FAAH2: variants seen among roughly 807,000 people sequenced by gnomAD.
FAAH2 encodes the protein fatty acid amide hydrolase 2.
FAAH2 carries 60 observed loss-of-function variants against 36.9 expected under a neutral mutation model. That is an observed-to-expected ratio of 1.63 (90% confidence interval 1.32 to 2.02). The LOEUF (loss-of-function observed/expected upper bound fraction) is 2.02, where lower values mean the gene tolerates loss of function less well. Among genes scored for constraint, FAAH2 ranks in the 30% most tolerant of loss-of-function variants. The probability of loss-of-function intolerance (pLI) is 0.00; values close to 1 mark genes in which losing one functional copy is unlikely to be tolerated. For synonymous variants in FAAH2, 214 were observed against 143.8 expected (o/e 1.49, Z -3.49); for missense variants, 689 against 397.5 (o/e 1.73, Z -6.23).
chrX:57,193,374 C>T, the FAAH2 span, among the ~76,000 whole-genome samples: 147 of 111,934 alleles, frequency 1.3e-3, no homozygotes, highest in African/African-American at 4.2e-3. Context: ...TTATCAATGA[C>T]AATGGTGCCT....
rs376776823 is a variant in FAAH2 at position 57,444,696 on chromosome X, G to A, written c.1117-2232G>A. Among the ~76,000 whole-genome samples the A allele has an allele frequency of 9.0e-5, 10 of 111,515 alleles. No homozygotes were observed. In the East Asian group the frequency reaches 2.5e-3, roughly 28 times the overall value. On this transcript the variant is annotated intron_variant, in intron 8 of 10. Transcript: ENST00000374900. Reference sequence around the variant, plus strand: ...CTCATGCTTGGAGCTGCAGACTGGAGCTGTTCCTATTCAGCCATCTTGTAA... The same window carrying A: ...CTCATGCTTGGAGCTGCAGACTGGAACTGTTCCTATTCAGCCATCTTGTAA...
rs754840718 is a variant in FAAH2, at chrX:57,448,719, G to T, written c.1423+1G>T. ...CGGCCTTTCAACTTTGCTTACACAG[G>T]TACCTAATTGTATTCCTTACATTCT... On this transcript the variant is annotated splice_donor_variant, in intron 10 of 10. Coordinates refer to ENST00000374900, the MANE Select transcript of FAAH2 (RefSeq NM_174912.4). LOFTEE classifies it high-confidence loss of function. The T allele has an allele frequency of 7.6e-6, 9 of 1,178,080 alleles. No homozygotes were observed. The East Asian group carries it at 2.4e-4, about 31-fold the overall frequency.
intron 2 of FAAH2, among the ~76,000 whole-genome samples, chrX:57,292,922 AC>A (rs1216758329): frequency 1.8e-5 from 2 of 110,897 alleles, no homozygotes; most frequent in African/African-American, 6.6e-5. Flanking sequence ...TAATAGGAGA[AC>A]CCCCCTACAC....
chrX:57,455,074 T>A (rs2056844483), intron 10 of FAAH2, among the ~76,000 whole-genome samples: 1 of 111,461 alleles, frequency 9.0e-6, no homozygotes. Flanking sequence ...ACCTACAAAG[T>A]AAACCCCACC....
intron 5 of FAAH2, among the ~76,000 whole-genome samples, chrX:57,355,933 C>A (rs1263567878): frequency 9.0e-6 from 1 of 110,799 alleles, no homozygotes; most frequent in Non-Finnish European, 1.9e-5. Context: ...CATATATAGC[C>A]TTTATTATGT....
chrX:57,483,377 T>TA (rs1021643526), intron 10 of FAAH2, among the ~76,000 whole-genome samples: 4 of 111,184 alleles, frequency 3.6e-5, no homozygotes, highest in South Asian at 3.7e-4. Context: ...TTTGATTTTT[T>TA]AAAAAAATAT....
intron 8 of FAAH2, among the ~76,000 whole-genome samples, chrX:57,435,953 C>T (rs1417987967): frequency 1.8e-5 from 2 of 110,942 alleles, no homozygotes; most frequent in Non-Finnish European, 3.8e-5. Flanking sequence ...CTTGTATAGA[C>T]CTTGTATTTT....
intron 7 of FAAH2, among the ~76,000 whole-genome samples, chrX:57,401,506 C>T (rs1319886137): frequency 9.0e-6 from 1 of 111,542 alleles, no homozygotes; most frequent in African/African-American, 3.3e-5. Context: ...GGGACAACGG[C>T]CTCATTGATA....
At chrX:57,434,118 T>A (rs2056361531) in intron 8 of FAAH2, among the ~76,000 whole-genome samples, 1 of 104,018 alleles carries the variant, frequency 9.6e-6, no homozygotes, top group Admixed American at 1.1e-4. Context: ...AGAGTCTCAC[T>A]CTGTTGCCTA....
chrX:57,460,054 T>C (rs1159799527), intron 10 of FAAH2, among the ~76,000 whole-genome samples: 1 of 111,122 alleles, frequency 9.0e-6, no homozygotes, highest in Non-Finnish European at 1.9e-5. Context: ...TCATCTAAGC[T>C]AAAGAAGTGT....
At chrX:57,242,873 G>A in the FAAH2 span, among the ~76,000 whole-genome samples, 14 of 111,982 alleles carry the variant, frequency 1.3e-4, no homozygotes, top group East Asian at 2.8e-4. Flanking sequence ...GTTTCTTTTC[G>A]TAACCTAGTG....
chrX:57,153,587 G>T, the FAAH2 span, among the ~76,000 whole-genome samples: 2 of 111,973 alleles, frequency 1.8e-5, no homozygotes, highest in Admixed American at 1.9e-4. Flanking sequence ...GCTTTTGTTT[G>T]TCTAAAAAAC....
the FAAH2 span, among the ~76,000 whole-genome samples, chrX:57,167,092 C>T: frequency 9.0e-6 from 1 of 111,435 alleles, no homozygotes. Flanking sequence ...GGATGGGTGC[C>T]CTAATGTCTG....
chrX:57,211,515 G>A, the FAAH2 span, among the ~76,000 whole-genome samples: 1 of 111,639 alleles, frequency 9.0e-6, no homozygotes, highest in Non-Finnish European at 1.9e-5. Flanking sequence ...CCATTGCCTG[G>A]GACACCTGAG....
At chrX:57,341,648 T>C (rs2053691134) in intron 5 of FAAH2, among the ~76,000 whole-genome samples, 1 of 110,170 alleles carries the variant, frequency 9.1e-6, no homozygotes, top group African/African-American at 3.3e-5. Flanking sequence ...ATCCCCAATT[T>C]ACAAATGACA....
chrX:57,234,816 G>C, the FAAH2 span, among the ~76,000 whole-genome samples: 322 of 111,931 alleles, frequency 2.9e-3, 1 homozygote, highest in Non-Finnish European at 4.6e-3. Context: ...GGAGGCTGAG[G>C]TGAGCAGATC....
the FAAH2 span, among the ~76,000 whole-genome samples, chrX:57,154,611 G>T: frequency 9.1e-6 from 1 of 110,306 alleles, no homozygotes; most frequent in African/African-American, 3.3e-5. Context: ...TAAATTGGAT[G>T]TCACCTTTCT....
At chrX:57,190,992 G>A in the FAAH2 span, among the ~76,000 whole-genome samples, 1 of 111,272 alleles carries the variant, frequency 9.0e-6, no homozygotes, top group Non-Finnish European at 1.9e-5. Context: ...CCTTTCTTTG[G>A]GGATATAAAC....
chrX:57,292,450 ATTG>A (rs769242816), intron 1 of FAAH2, 45 bp from the exon 2 acceptor site: 6 of 1,073,491 alleles, frequency 5.6e-6, no homozygotes, highest in Non-Finnish European at 7.7e-6. Context: ...TGTTGAATGA[ATTG>A]TTTAGTGAAT....
Sources: allele counts gnomAD v4.1 joint callset (sites outside exome capture counted in the v4.1 genomes callset), GRCh38; gene constraint gnomAD v4.1.1; transcripts MANE v1.5; gene names NCBI Gene and HGNC (gene_info 2026-07-23, HGNC 2026-07-21).